RARB: variants seen among roughly 807,000 people sequenced by gnomAD.
RARB encodes retinoic acid receptor beta, also known as HBV-activated protein.
RARB carries 17 observed loss-of-function variants against 51.9 expected under a neutral mutation model. That is an observed-to-expected ratio of 0.33 (90% confidence interval 0.22 to 0.49). RARB has a LOEUF of 0.49. RARB is among the 20% of genes least tolerant of loss of function. The probability of loss-of-function intolerance (pLI) is 0.99; values close to 1 mark genes in which losing one functional copy is unlikely to be tolerated. For synonymous variants in RARB, 215 were observed against 195.4 expected (o/e 1.10, Z -0.84); for missense variants, 369 against 550.8 (o/e 0.67, Z 3.30).
intron 3 of RARB, among the ~76,000 whole-genome samples, chr3:25,525,287 T>A (rs1377558821): frequency 2.6e-5 from 4 of 152,074 alleles, no homozygotes; most frequent in Non-Finnish European, 5.9e-5. Flanking sequence ...AGAATGAAAG[T>A]GTGGTGTCAT....
chr3:25,262,517 G>C (rs1479327149), intron 5 of RARB, among the ~76,000 whole-genome samples: 1 of 152,188 alleles, frequency 6.6e-6, no homozygotes, highest in Non-Finnish European at 1.5e-5. Context: ...CTTTGGACAT[G>C]ATCCTTGTCC....
chr3:24,873,283 C>A (rs566638642), intron 2 of RARB, among the ~76,000 whole-genome samples: 5 of 152,174 alleles, frequency 3.3e-5, no homozygotes, highest in Admixed American at 3.3e-4. Flanking sequence ...TTTTTCTTCC[C>A]TTTCATTAAT....
At chr3:25,585,329 A>T (rs897534075) in intron 5 of RARB, among the ~76,000 whole-genome samples, 6 of 152,184 alleles carry the variant, frequency 3.9e-5, no homozygotes, top group African/African-American at 1.4e-4. Flanking sequence ...CTGAGGCCCA[A>T]GGGGAAGGCA....
intron 2 of RARB, among the ~76,000 whole-genome samples, chr3:25,465,051 A>G (rs1399899050): frequency 6.6e-6 from 1 of 152,208 alleles, no homozygotes; most frequent in Non-Finnish European, 1.5e-5. Flanking sequence ...CCTTAGGATA[A>G]AATTTTCCTT....
intron 3 of RARB, among the ~76,000 whole-genome samples, chr3:25,545,384 A>G (rs76186856): frequency 0.041 from 6,295 of 152,160 alleles, 163 homozygotes; most frequent in Non-Finnish European, 0.062. Flanking sequence ...TGGCTTAGAT[A>G]TCTGCCTGGG....
intron 3 of RARB, among the ~76,000 whole-genome samples, chr3:25,565,377 A>G (rs2125683058): frequency 6.6e-6 from 1 of 152,308 alleles, no homozygotes; most frequent in South Asian, 2.1e-4. Context: ...CACTTTCAGT[A>G]TTGTGGTAAA....
chr3:25,498,359 G>T (rs769232593), intron 2 of RARB, among the ~76,000 whole-genome samples: 2 of 152,190 alleles, frequency 1.3e-5, no homozygotes, highest in Non-Finnish European at 2.9e-5. Context: ...AGGAGGAGGA[G>T]AATTTTTATG....
At chr3:25,466,219 C>T (rs1026168038) in intron 2 of RARB, among the ~76,000 whole-genome samples, 18 of 152,212 alleles carry the variant, frequency 1.2e-4, no homozygotes, top group Non-Finnish European at 2.1e-4. Flanking sequence ...CGGAGTTTCA[C>T]TCTTGTTGCC....
intron 3 of RARB, among the ~76,000 whole-genome samples, chr3:25,116,636 A>T (rs1699692450): frequency 6.6e-6 from 1 of 151,974 alleles, no homozygotes; most frequent in South Asian, 2.1e-4. Context: ...CTTGCATTAC[A>T]CTGGCTATGC....
intron 2 of RARB, among the ~76,000 whole-genome samples, chr3:25,052,211 C>CTT (rs1224310358): frequency 2.0e-5 from 3 of 152,156 alleles, no homozygotes; most frequent in Non-Finnish European, 4.4e-5. Context: ...AGAATATTTG[C>CTT]TTAAAGCCCT....
chr3:25,267,460 T>C (rs1246144469), intron 5 of RARB, among the ~76,000 whole-genome samples: 1 of 152,228 alleles, frequency 6.6e-6, no homozygotes, highest in Admixed American at 6.5e-5. Flanking sequence ...CTGAAGTCTC[T>C]ATTTTTTAGT....
intron 1 of RARB, among the ~76,000 whole-genome samples, chr3:24,850,621 T>C (rs1189421130): frequency 6.8e-6 from 1 of 147,234 alleles, no homozygotes; most frequent in Non-Finnish European, 1.5e-5. Flanking sequence ...GGAAGTGCTT[T>C]CTGAATGATA....
At chr3:24,932,019 G>A (rs1279719888) in intron 2 of RARB, among the ~76,000 whole-genome samples, 1 of 152,036 alleles carries the variant, frequency 6.6e-6, no homozygotes, top group African/African-American at 2.4e-5. Context: ...CCAACTGAAT[G>A]CCAAGTTCCA....
chr3:25,348,090 G>T (rs1190137797), intron 5 of RARB, among the ~76,000 whole-genome samples: 1 of 152,040 alleles, frequency 6.6e-6, no homozygotes, highest in East Asian at 1.9e-4. Flanking sequence ...ATCTTCATAG[G>T]CTTCATGGGC....
intron 4 of RARB, among the ~76,000 whole-genome samples, chr3:25,143,217 G>A (rs1700137292): frequency 6.6e-6 from 1 of 152,188 alleles, no homozygotes; most frequent in African/African-American, 2.4e-5. Context: ...GCTAGCAGCT[G>A]CTAGCAGCTG....
chr3:25,531,821 G>C (rs886358056), intron 3 of RARB, among the ~76,000 whole-genome samples: 1 of 151,982 alleles, frequency 6.6e-6, no homozygotes, highest in Non-Finnish European at 1.5e-5. Flanking sequence ...ATTTGAGAGG[G>C]GCAAAGAAGA....
chr3:25,544,366 T>C (rs1559460126), intron 3 of RARB, among the ~76,000 whole-genome samples: 1 of 152,226 alleles, frequency 6.6e-6, no homozygotes. Context: ...ATGATACTTT[T>C]GTAAAATTTC....
intron 3 of RARB, among the ~76,000 whole-genome samples, chr3:25,081,151 T>C (rs1026911357): frequency 2.6e-5 from 4 of 152,182 alleles, no homozygotes; most frequent in African/African-American, 7.2e-5. Context: ...CATTGAGTTC[T>C]ATTATAATTT....
intron 1 of RARB, among the ~76,000 whole-genome samples, chr3:24,836,278 C>G (rs1702344147): frequency 6.6e-6 from 1 of 152,178 alleles, no homozygotes; most frequent in Non-Finnish European, 1.5e-5. Context: ...GTCCCAGGAT[C>G]CTATACGTGG....
Sources: gnomAD v4.1 joint callset for allele counts (sites outside exome capture counted in the v4.1 genomes callset) on GRCh38, gnomAD v4.1.1 for gene constraint, MANE v1.5 for transcripts, NCBI Gene and HGNC (gene_info 2026-07-23, HGNC 2026-07-21) for gene names.